EYS: variants seen among roughly 807,000 people sequenced by gnomAD.
EYS encodes the protein protein eyes shut homolog.
In EYS, 250 loss-of-function variants were observed where a neutral mutation model predicts 282.1. The ratio of observed to expected loss-of-function variants is 0.89; its 90% CI spans 0.80 to 0.98. The LOEUF (loss-of-function observed/expected upper bound fraction) is 0.98. Ranked by LOEUF, EYS falls within the 50% of genes least tolerant of loss-of-function variation. The probability of loss-of-function intolerance (pLI) is 0.00; values close to 1 mark genes in which losing one functional copy is unlikely to be tolerated. For missense variants in EYS, 4,016 were observed against 3,709.0 expected, an observed-to-expected ratio of 1.08 and a Z score of -2.15; for synonymous variants, 1,355 against 1,282.9, an observed-to-expected ratio of 1.06 and a Z score of -1.20.
At chr6:65,691,938 A>G (rs1181067120) in intron 1 of EYS, among the ~76,000 whole-genome samples, 2 of 150,018 alleles carry the variant, frequency 1.3e-5, no homozygotes, top group African/African-American at 2.4e-5. Context: ...ATTGGTCTAT[A>G]TATCTGTTTT....
intron 22 of EYS, among the ~76,000 whole-genome samples, chr6:64,763,094 T>C (rs1773214247): frequency 6.7e-6 from 1 of 150,314 alleles, no homozygotes; most frequent in Non-Finnish European, 1.5e-5. Context: ...CTTCAGTGCT[T>C]CTTTTATTTT....
At chr6:64,492,162 A>G (rs1776758687) in intron 26 of EYS, among the ~76,000 whole-genome samples, 1 of 151,254 alleles carries the variant, frequency 6.6e-6, no homozygotes, top group Admixed American at 6.6e-5. Flanking sequence ...TACATAAAAG[A>G]GTATGTAATT....
At chr6:64,064,383 G>C (rs1045479493) in intron 33 of EYS, among the ~76,000 whole-genome samples, 3 of 152,124 alleles carry the variant, frequency 2.0e-5, no homozygotes, top group African/African-American at 7.2e-5. Flanking sequence ...AAGACATCGA[G>C]AGCATGCTTA....
intron 13 of EYS, among the ~76,000 whole-genome samples, chr6:65,057,296 C>CA: frequency 6.6e-6 from 1 of 151,968 alleles, no homozygotes; most frequent in East Asian, 1.9e-4. Flanking sequence ...TTAAATAATA[C>CA]AGAAGAATAT....
At position 65,245,964 on chromosome 6, in the gene EYS, G is replaced by C. The variant is rs147777355; in HGVS notation, c.2023+49899C>G. ...GGGAATACTGCCCTTGACATAACTG[G>C]AACCTGCCCCACCAACCTTGTTGTC... is the stretch of plus-strand genomic sequence containing the variant. On this transcript the variant is annotated intron_variant, in intron 12 of 42. Coordinates refer to ENST00000503581, the MANE Select transcript of EYS (RefSeq NM_001142800.2). Among the ~76,000 whole-genome samples the C allele has an allele frequency of 1.8e-3, 275 of 152,040 alleles. 2 individuals carry two copies. Among genetic ancestry groups the C allele is most frequent in the African/African-American group, 6.3e-3 (260 of 41,488 alleles).
At chr6:65,177,437 C>T (rs1206294797) in intron 12 of EYS, among the ~76,000 whole-genome samples, 1 of 151,630 alleles carries the variant, frequency 6.6e-6, no homozygotes, top group Non-Finnish European at 1.5e-5. Flanking sequence ...TATTAATTTG[C>T]CAATTAAGTG....
intron 29 of EYS, among the ~76,000 whole-genome samples, chr6:64,332,149 C>T (rs999811160): frequency 2.0e-5 from 3 of 152,140 alleles, no homozygotes; most frequent in African/African-American, 4.8e-5. Context: ...GAAGTTTTGT[C>T]AAGAAACTCA....
At chr6:64,800,307 C>G (rs1774498103) in intron 22 of EYS, among the ~76,000 whole-genome samples, 1 of 151,994 alleles carries the variant, frequency 6.6e-6, no homozygotes, top group Admixed American at 6.5e-5. Flanking sequence ...AAAGTACTAT[C>G]AACCTAGACT....
chr6:64,155,199 A>G (rs1043886599), intron 31 of EYS, among the ~76,000 whole-genome samples: 6 of 152,156 alleles, frequency 3.9e-5, no homozygotes, highest in Non-Finnish European at 8.8e-5. Context: ...ATCACACAGG[A>G]TTTAATGTTG....
intron 28 of EYS, among the ~76,000 whole-genome samples, chr6:64,414,891 C>T (rs1774016232): frequency 6.6e-6 from 1 of 152,074 alleles, no homozygotes; most frequent in Admixed American, 6.6e-5. Context: ...TAGTAAAACA[C>T]ACTTTTTACT....
intron 12 of EYS, among the ~76,000 whole-genome samples, chr6:65,179,901 C>T (rs1289052116): frequency 1.3e-5 from 2 of 152,048 alleles, no homozygotes; most frequent in African/African-American, 2.4e-5. Context: ...GCTGGTTCAA[C>T]ATACGCAAAT....
At chr6:64,703,182 T>C (rs1770847782) in intron 22 of EYS, among the ~76,000 whole-genome samples, 1 of 151,688 alleles carries the variant, frequency 6.6e-6, no homozygotes, top group Non-Finnish European at 1.5e-5. Context: ...GCAGAGCAGG[T>C]AGCATGAGGT....
At chr6:64,052,292 A>C (rs1009270451) in intron 33 of EYS, among the ~76,000 whole-genome samples, 2 of 152,182 alleles carry the variant, frequency 1.3e-5, no homozygotes, top group African/African-American at 4.8e-5. Context: ...GCACTTAGAC[A>C]TACTTTTGAG....
intron 2 of EYS, among the ~76,000 whole-genome samples, chr6:65,544,632 A>G (rs1163613465): frequency 6.6e-6 from 1 of 152,208 alleles, no homozygotes; most frequent in African/African-American, 2.4e-5. Context: ...TGACACAATT[A>G]AACCTCTTTC....
Position 65,288,959 on chromosome 6 carries a change from A to G in EYS, c.2023+6904T>C, listed in dbSNP as rs1562074602. On this transcript the variant is annotated intron_variant, in intron 12 of 42. Transcript: ENST00000503581. ...TAAGTGTTAATATCAATAAAGGGGA[A>G]ATTGGACAGACAAAATAATCAATTG... is the stretch of plus-strand genomic sequence containing the variant. Among the ~76,000 whole-genome samples the G allele has an allele frequency of 3.3e-5, 5 of 151,158 alleles. No homozygotes were observed. The East Asian group carries it at 7.8e-4, about 23-fold the overall frequency.
intron 35 of EYS, among the ~76,000 whole-genome samples, chr6:63,925,096 A>T (rs970388914): frequency 1.3e-5 from 2 of 152,190 alleles, no homozygotes; most frequent in African/African-American, 4.8e-5. Flanking sequence ...TAATCTTCTG[A>T]GCCTCATTTC....
intron 1 of EYS, among the ~76,000 whole-genome samples, chr6:65,681,383 CAA>C (rs887807265): frequency 3.0e-4 from 45 of 151,954 alleles, no homozygotes; most frequent in African/African-American, 1.1e-3. Flanking sequence ...GGTCAAAGAC[CAA>C]ATGTATATTT....
At chr6:65,004,085 G>A (rs1304842904) in intron 13 of EYS, among the ~76,000 whole-genome samples, 1 of 146,566 alleles carries the variant, frequency 6.8e-6, no homozygotes, top group Non-Finnish European at 1.5e-5. Context: ...GAGTGTGTGG[G>A]GTGATATATG....
At chr6:64,412,183 T>C (rs1773923931) in intron 28 of EYS, among the ~76,000 whole-genome samples, 1 of 151,998 alleles carries the variant, frequency 6.6e-6, no homozygotes, top group Non-Finnish European at 1.5e-5. Flanking sequence ...ACACAGAATA[T>C]ACATAATTTT....
Sources: allele counts gnomAD v4.1 joint callset (sites outside exome capture counted in the v4.1 genomes callset), GRCh38; gene constraint gnomAD v4.1.1; transcripts MANE v1.5; gene names NCBI Gene and HGNC (gene_info 2026-07-23, HGNC 2026-07-21).